Variants in FSHR observed in about 807,000 individuals in gnomAD.
FSHR encodes follicle stimulating hormone receptor.
In FSHR, 46 loss-of-function variants were observed where a neutral mutation model predicts 52.1. The ratio of observed to expected loss-of-function variants is 0.88; its 90% CI spans 0.70 to 1.13. The LOEUF is 1.13. Among genes scored for constraint, FSHR ranks in the 50% most tolerant of loss-of-function variants. The pLI is 0.00. For synonymous variants in FSHR, 399 were observed against 309.6 expected (o/e 1.29, Z -3.03); for missense variants, 964 against 834.6 (o/e 1.16, Z -1.91).
At chr2:49,049,616 G>T (rs1432820389) in intron 2 of FSHR, among the ~76,000 whole-genome samples, 1 of 152,010 alleles carries the variant, frequency 6.6e-6, no homozygotes, top group Non-Finnish European at 1.5e-5. Context: ...AAGCTTATTA[G>T]CTCACAGTGG....
At chr2:49,141,260 A>G (rs545517446) in intron 1 of FSHR, among the ~76,000 whole-genome samples, 51 of 152,138 alleles carry the variant, frequency 3.4e-4, no homozygotes, top group Non-Finnish European at 6.9e-4. Context: ...CTGTTCTTGC[A>G]TTGCTATTAA....
At chr2:49,067,074 T>G (rs570522938) in intron 2 of FSHR, among the ~76,000 whole-genome samples, 24 of 152,038 alleles carry the variant, frequency 1.6e-4, no homozygotes, top group Non-Finnish European at 1.5e-4. Flanking sequence ...TCCTGCAACA[T>G]GGAGATAGAA....
chr2:48,962,288 T>A lies in FSHR; in HGVS notation c.*445A>T, dbSNP rs1221010894. ...ATGAATGAATACCATGGTGCTTCTC[T>A]GGGAAATTCTCTGGGAGTCGGAATA... On this transcript the variant is annotated 3_prime_UTR_variant, in exon 10 of 10. Coordinates refer to ENST00000406846, the MANE Select transcript of FSHR (RefSeq NM_000145.4). 2 of 213,888 alleles carry A rather than the reference T, an allele frequency of 9.4e-6. No homozygotes were observed. Among genetic ancestry groups the A allele is most frequent in the African/African-American group, 2.4e-5 (1 of 42,384 alleles). 13.2% of individuals were successfully genotyped at this position (213,888 alleles called of 1,614,324 possible).
At chr2:49,088,790 TGACA>T (rs1558434824) in intron 1 of FSHR, among the ~76,000 whole-genome samples, 1 of 152,164 alleles carries the variant, frequency 6.6e-6, no homozygotes, top group East Asian at 1.9e-4. Context: ...TCTGGCTGAC[TGACA>T]GTCACTGAGA....
At position 48,983,109 on chromosome 2, in the gene FSHR, T is replaced by C. The variant is rs1238355136; in HGVS notation, c.582A>G (p.Gln194=). The part of the protein sequence containing the change: ...EIHNCAFNGT[Q]LDELNLSDNN... ...TCAGGGCTACTTACAGCTCATCTAGTTGGGTTCCATTGAATGCACAGTTGT... is the reference window on the plus strand; with the variant it reads ...TCAGGGCTACTTACAGCTCATCTAGCTGGGTTCCATTGAATGCACAGTTGT... Residue 194 remains glutamine, a synonymous_variant, in exon 7 of 10, where the codon CAA becomes CAG. Coordinates refer to ENST00000406846, the MANE Select transcript of FSHR (RefSeq NM_000145.4). The C allele has an allele frequency of 6.2e-7, 1 of 1,614,160 alleles. No homozygotes were observed. Among genetic ancestry groups the C allele is most frequent in the South Asian group, 1.1e-5 (1 of 91,086 alleles).
intron 1 of FSHR, among the ~76,000 whole-genome samples, chr2:49,120,186 G>A (rs540013120): frequency 7.2e-5 from 11 of 152,148 alleles, no homozygotes; most frequent in Non-Finnish European, 1.5e-4. Flanking sequence ...CAGGAGAATC[G>A]CCGGGGCCAG....
intron 1 of FSHR, among the ~76,000 whole-genome samples, chr2:49,084,820 C>T (rs1262471508): frequency 6.6e-6 from 1 of 152,042 alleles, no homozygotes; most frequent in African/African-American, 2.4e-5. Flanking sequence ...CTGAATAGAC[C>T]AATAACAGGA....
At chr2:48,997,449 A>G in intron 4 of FSHR, 3 of 923,348 alleles carry the variant, frequency 3.2e-6, no homozygotes, top group Non-Finnish European at 3.9e-6. Flanking sequence ...CGGACCTAGC[A>G]TCCTAGATTT....
At chr2:49,015,090 G>A (rs902026887) in intron 4 of FSHR, 9 of 302,024 alleles carry the variant, frequency 3.0e-5, no homozygotes, top group African/African-American at 1.8e-4. Context: ...TTTATTAAAG[G>A]CATAATCTTA....
At chr2:49,076,908 A>G (rs1384534666) in intron 1 of FSHR, among the ~76,000 whole-genome samples, 1 of 152,184 alleles carries the variant, frequency 6.6e-6, no homozygotes, top group African/African-American at 2.4e-5. Context: ...AGGTCACAGT[A>G]ATGTAAGAGG....
At position 48,963,926 on chromosome 2, in the gene FSHR, G is replaced by A. The variant is rs1289680895; in HGVS notation, c.895C>T (p.Gln299Ter). 1 of 1,613,666 alleles carries A rather than the reference G, an allele frequency of 6.2e-7. No homozygotes were observed. Among genetic ancestry groups the A allele is most frequent in the African/African-American group, 1.3e-5 (1 of 74,888 alleles). Reference protein sequence around the residue: ...HPICNKSILRQEVDYMTQARG... With the variant: ...HPICNKSILR The stretch of plus-strand genomic sequence containing the variant: ...GCCTGAGTCATATAATCAACTTCTT[G>A]CCTTAAAATAGATTTGTTGCAAATT... The change falls in exon 10 of 10, where the codon CAA (glutamine) becomes TAA (stop). Residue 299 changes from glutamine (Q) to a stop codon, truncating the protein, a stop_gained. Coordinates refer to ENST00000406846, the MANE Select transcript of FSHR (RefSeq NM_000145.4). LOFTEE classifies it high-confidence loss of function.
intron 1 of FSHR, among the ~76,000 whole-genome samples, chr2:49,086,355 C>T (rs1670392233): frequency 6.6e-6 from 1 of 152,180 alleles, no homozygotes; most frequent in Non-Finnish European, 1.5e-5. Flanking sequence ...GCTACACTCT[C>T]ACATAATCAC....
At chr2:48,999,232 C>T (rs576589706) in intron 4 of FSHR, among the ~76,000 whole-genome samples, 9 of 151,652 alleles carry the variant, frequency 5.9e-5, no homozygotes, top group East Asian at 5.8e-4. Flanking sequence ...TACCAGGTAC[C>T]GCACCAAGCA....
At chr2:48,991,500 G>A (rs1675777369) in intron 4 of FSHR, among the ~76,000 whole-genome samples, 1 of 152,160 alleles carries the variant, frequency 6.6e-6, no homozygotes, top group Admixed American at 6.5e-5. Flanking sequence ...TTGGTAAAAG[G>A]TGACCCTATG....
In FSHR at chr2:48,967,034, C is replaced by G. The variant is rs778396790; in HGVS notation, c.854+1664G>C. Reference sequence around the variant, plus strand: ...GAGTAACACGATGAGACAACAAATTCTTGGGGTGTGTTGGAACTGGGCCAA... The same window carrying G: ...GAGTAACACGATGAGACAACAAATTGTTGGGGTGTGTTGGAACTGGGCCAA... On this transcript the variant is annotated intron_variant, in intron 9 of 9. Transcript: ENST00000406846. Among the ~76,000 whole-genome samples the G allele has an allele frequency of 3.7e-4, 57 of 152,156 alleles. 1 individual carries two copies. Among genetic ancestry groups the G allele is most frequent in the Admixed American group, 2.0e-4 (3 of 15,278 alleles).
At chr2:49,057,708 G>A (rs1669113490) in intron 2 of FSHR, among the ~76,000 whole-genome samples, 1 of 151,952 alleles carries the variant, frequency 6.6e-6, no homozygotes, top group Non-Finnish European at 1.5e-5. Context: ...TACCAGACAA[G>A]GACATAGCAA....
intron 2 of FSHR, among the ~76,000 whole-genome samples, chr2:49,052,622 A>G (rs1362090311): frequency 2.0e-5 from 3 of 152,196 alleles, no homozygotes; most frequent in Non-Finnish European, 4.4e-5. Context: ...TTTCCTTGTT[A>G]TTCCCAGGGA....
intron 1 of FSHR, among the ~76,000 whole-genome samples, chr2:49,068,992 C>T (rs1669623054): frequency 6.6e-6 from 1 of 152,028 alleles, no homozygotes; most frequent in Admixed American, 6.6e-5. Flanking sequence ...TGTCTCTCAT[C>T]TCATCTAAAA....
intron 2 of FSHR, among the ~76,000 whole-genome samples, chr2:49,059,001 G>A (rs1337025423): frequency 2.6e-5 from 4 of 152,110 alleles, no homozygotes; most frequent in African/African-American, 4.8e-5. Flanking sequence ...TTGAGTCCAG[G>A]AGTTCAAGAG....
Sources: allele counts gnomAD v4.1 joint callset (sites outside exome capture counted in the v4.1 genomes callset), GRCh38; gene constraint gnomAD v4.1.1; transcripts MANE v1.5; gene names NCBI Gene and HGNC (gene_info 2026-07-23, HGNC 2026-07-21).